Variants in UBXN4 observed in about 807,000 individuals in gnomAD.
UBXN4 encodes the protein UBX domain-containing protein 4.
Under a neutral mutation model 66.2 loss-of-function variants are expected in UBXN4, and 35 were observed. The observed-to-expected ratio is 0.53, with a 90% CI of 0.40 to 0.70. UBXN4 has a LOEUF of 0.70. Ranked by LOEUF, UBXN4 falls within the 30% of genes least tolerant of loss-of-function variation. The pLI is 0.00. For missense variants in UBXN4, 533 were observed against 599.8 expected, an observed-to-expected ratio of 0.89 and a Z score of 1.16; for synonymous variants, 203 against 204.5, an observed-to-expected ratio of 0.99 and a Z score of 0.06.
intron 1 of UBXN4, chr2:135,747,846 C>T (rs2077219063): frequency 5.6e-6 from 2 of 356,174 alleles, no homozygotes; most frequent in African/African-American, 4.3e-5. Flanking sequence ...GTCTCGAATT[C>T]CTGGCCTCAG....
Position 135,780,250 on chromosome 2 carries a change from T to C in UBXN4, c.1253T>C (p.Val418Ala). 1 of 1,614,194 alleles carries C rather than the reference T, an allele frequency of 6.2e-7. No individual in the cohort carries two copies. The highest frequency in any genetic ancestry group is 2.2e-5 in the East Asian group (1 of 44,884). The change falls in exon 12 of 13, where the codon GTG becomes GCG. Residue 418 changes from valine to alanine, a missense_variant. By Grantham distance (64) the Val-to-Ala change is moderately conservative. Around this residue, in one of 2 missense-constraint regions of UBXN4, gnomAD observed 529 missense variants for 580.1 expected, o/e 0.91. Coordinates refer to ENST00000272638, the MANE Select transcript of UBXN4 (RefSeq NM_014607.4). The stretch of plus-strand genomic sequence containing the variant: ...GACATTTGGACCTTGTTGGGAACAG[T>C]GCTTTATCCATTCCTTGCCATCTGG... ...SGDIWTLLGTVLYPFLAIWRL... is the reference protein window; with the variant it reads ...SGDIWTLLGTALYPFLAIWRL...
At chr2:135,754,782 C>CAT (rs1559539018) in intron 4 of UBXN4, among the ~76,000 whole-genome samples, 3 of 151,890 alleles carry the variant, frequency 2.0e-5, no homozygotes, top group Non-Finnish European at 4.4e-5. Context: ...GACTTCTTTA[C>CAT]CTTTCTTTAT....
At position 135,778,990 on chromosome 2, in the gene UBXN4, T is replaced by A; in HGVS notation, c.1096T>A (p.Phe366Ile). 1 of 1,613,456 alleles carries A rather than the reference T, an allele frequency of 6.2e-7. No homozygotes were observed. Among genetic ancestry groups the A allele is most frequent in the African/African-American group, 1.3e-5 (1 of 75,038 alleles). The change falls in exon 11 of 13, where the codon TTT (phenylalanine) becomes ATT (isoleucine). Residue 366 changes from phenylalanine to isoleucine, a missense_variant. Physicochemically the swap from Phe to Ile is conservative, Grantham distance 21 (BLOSUM62 0). Transcript: ENST00000272638. ...CGGTAATTTTTCGTTAGCAACCATG[T>A]TTCCCAGGAGGGAATTTACCAAAGA... Reference protein sequence around the residue: ...TYGNFSLATMFPRREFTKEDY... With the variant: ...TYGNFSLATMIPRREFTKEDY...
chr2:135,746,629 A>G (rs2077208602), intron 1 of UBXN4, among the ~76,000 whole-genome samples: 1 of 152,238 alleles, frequency 6.6e-6, no homozygotes, highest in Non-Finnish European at 1.5e-5. Flanking sequence ...GTTGGAAGTT[A>G]ACCATGTAGT....
At chr2:135,777,414 C>T (rs1313609697) in intron 10 of UBXN4, among the ~76,000 whole-genome samples, 2 of 152,128 alleles carry the variant, frequency 1.3e-5, no homozygotes, top group African/African-American at 4.8e-5. Flanking sequence ...ACAATGTAAA[C>T]GTTTATTTTA....
At chr2:135,749,404 C>G (rs1324135693) in intron 2 of UBXN4, among the ~76,000 whole-genome samples, 4 of 152,150 alleles carry the variant, frequency 2.6e-5, no homozygotes, top group African/African-American at 4.8e-5. Flanking sequence ...TTCCTCCTCC[C>G]CATCTTTTAA....
chr2:135,767,937 C>T (rs2077357884), intron 6 of UBXN4, among the ~76,000 whole-genome samples: 2 of 152,000 alleles, frequency 1.3e-5, no homozygotes, highest in Admixed American at 6.6e-5. Flanking sequence ...GCACAAATTG[C>T]CCCAAATTTG....
At chr2:135,780,077 A>T in intron 11 of UBXN4, 106 bp from the exon 12 acceptor site, 1 of 1,063,644 alleles carries the variant, frequency 9.4e-7, no homozygotes. Context: ...AAGTAAACTA[A>T]AATTGGTAGG....
chr2:135,780,103 TA>T, intron 11 of UBXN4, 79 bp from the exon 12 acceptor site: 2 of 1,412,166 alleles, frequency 1.4e-6, no homozygotes, highest in Non-Finnish European at 2.0e-6. Context: ...CTTTTCCAGA[TA>T]AAAGTTTCAT....
At chr2:135,744,021 T>G (rs2077192980) in intron 1 of UBXN4, among the ~76,000 whole-genome samples, 1 of 152,166 alleles carries the variant, frequency 6.6e-6, no homozygotes, top group Non-Finnish European at 1.5e-5. Flanking sequence ...CCAGCTAGCT[T>G]TTTTAGAGCT....
Position 135,780,183 on chromosome 2 carries a change from G to A in UBXN4, c.1186G>A (p.Ala396Thr). Residue 396 changes from alanine to threonine, a missense_variant and splice_region_variant, in exon 12 of 13, where the codon GCA (alanine) becomes ACA (threonine). Physicochemically the swap from Ala to Thr is moderately conservative, Grantham distance 58. This residue lies in a region of UBXN4 where 529 missense variants were observed against 580.1 expected (regional missense o/e 0.91). Coordinates refer to ENST00000272638, the MANE Select transcript of UBXN4 (RefSeq NM_014607.4). ...APSASVVLLP[A>T]GRPTASIVHS... ...TCTAGGTTTGTTTATTAATTTCTAGGCAGGAAGACCAACTGCATCCATTGT... is the reference window on the plus strand; with the variant it reads ...TCTAGGTTTGTTTATTAATTTCTAGACAGGAAGACCAACTGCATCCATTGT... The A allele has an allele frequency of 6.2e-7, 1 of 1,613,814 alleles. No homozygotes were observed. The highest frequency in any genetic ancestry group is 1.1e-5 in the South Asian group (1 of 91,074).
intron 10 of UBXN4, among the ~76,000 whole-genome samples, chr2:135,777,927 C>T (rs1457714954): frequency 6.6e-6 from 1 of 151,592 alleles, no homozygotes; most frequent in African/African-American, 2.4e-5. Context: ...CCTGTAATCC[C>T]AGCACTTTGG....
rs373447948 is a variant in UBXN4 at position 135,741,879 on chromosome 2, C to T, written c.-51C>T. ...CGAAGACGGAGGGCGGAGCCGGCTT[C>T]GGGACTGCGGAGACTACACACCGAG... is the stretch of plus-strand genomic sequence containing the variant. On this transcript the variant is annotated 5_prime_UTR_variant, in exon 1 of 13. Coordinates refer to ENST00000272638, the MANE Select transcript of UBXN4 (RefSeq NM_014607.4). The T allele has an allele frequency of 1.2e-3, 1,942 of 1,566,988 alleles. 8 individuals are homozygous for T. The highest frequency in any genetic ancestry group is 3.5e-3 in the South Asian group (302 of 86,438).
rs544812714 is a variant in UBXN4, at chr2:135,783,021, G to T, written c.*134G>T. ...AATGTCTCTTTATTCCTGCTTAGTG[G>T]GTGTGGGTTGAAGGTGTTTAACTCA... On this transcript the variant is annotated 3_prime_UTR_variant, in exon 13 of 13. Coordinates refer to ENST00000272638, the MANE Select transcript of UBXN4 (RefSeq NM_014607.4). 6 of 938,092 alleles carry T rather than the reference G, an allele frequency of 6.4e-6. No homozygotes were observed. The highest frequency in any genetic ancestry group is 2.8e-5 in the Admixed American group (1 of 35,832). The allele number at this position is 938,092 out of a possible 1,614,324, so 58.1% of individuals were successfully genotyped here.
Position 135,770,671 on chromosome 2 carries a change from A to G in UBXN4, c.758A>G (p.Glu253Gly). The change falls in exon 8 of 13, where the codon GAA becomes GGA. Residue 253 changes from glutamate (E) to glycine (G), a missense_variant. Transcript: ENST00000272638. ...EEELTKRMLE[E>G]RNREKAEDRA... ...GAATTAACAAAAAGAATGCTGGAGGAAAGAAACAGAGAGAAAGCAGAAGAT... is the reference window on the plus strand; with the variant it reads ...GAATTAACAAAAAGAATGCTGGAGGGAAGAAACAGAGAGAAAGCAGAAGAT... The G allele has an allele frequency of 1.3e-6, 2 of 1,580,844 alleles. No individual in the cohort carries two copies. The highest frequency in any genetic ancestry group is 1.7e-6 in the Non-Finnish European group (2 of 1,170,816).
rs143506298 is a variant in UBXN4 at position 135,782,441 on chromosome 2, G to C, written c.1389-308G>C. Among the ~76,000 whole-genome samples, 580 of 152,268 alleles carry C rather than the reference G, an allele frequency of 3.8e-3. 4 individuals carry two copies. Among genetic ancestry groups the C allele is most frequent in the African/African-American group, 0.013 (545 of 41,550 alleles). On this transcript the variant is annotated intron_variant, in intron 12 of 12. Coordinates refer to ENST00000272638, the MANE Select transcript of UBXN4 (RefSeq NM_014607.4). ...ATGTCGGCTTGCATAAATAACAAAG[G>C]AAAGATTAGTTGGCAAATGGTCACA...
At position 135,776,194 on chromosome 2, in the gene UBXN4, T is replaced by C. The variant is rs1007632924; in HGVS notation, c.951-55T>C. On this transcript the variant is annotated intron_variant, in intron 9 of 12. Coordinates refer to ENST00000272638, the MANE Select transcript of UBXN4 (RefSeq NM_014607.4). The stretch of plus-strand genomic sequence containing the variant: ...TTCCATTTTCTCTAACTTAATGATA[T>C]TGTTAGAGAATATATAGAGGTGAAG... 3.6e-6 allele frequency: 5 copies of C among 1,381,086 alleles called. No homozygotes were observed. The African/African-American group carries it at 7.2e-5, about 20-fold the overall frequency. The allele number at this position is 1,381,086 out of a possible 1,614,324, so 85.6% of individuals were successfully genotyped here.
intron 10 of UBXN4, among the ~76,000 whole-genome samples, chr2:135,778,602 C>CATT (rs1158676226): frequency 1.3e-5 from 2 of 152,170 alleles, no homozygotes; most frequent in African/African-American, 4.8e-5. Context: ...GTTCATGAGA[C>CATT]ATTAAGTTTG....
chr2:135,755,521 A>G lies in UBXN4; in HGVS notation c.338A>G (p.His113Arg). ...VTRIHKVRQM[H>R]LLKSETSVAN... Reference sequence around the variant, plus strand: ...TCCAATTTATTTTCTGCCTAGATGCATTTGCTAAAAAGTGAAACATCAGTA... The same window carrying G: ...TCCAATTTATTTTCTGCCTAGATGCGTTTGCTAAAAAGTGAAACATCAGTA... Residue 113 changes from histidine to arginine, a missense_variant, in exon 5 of 13, where the codon CAT (histidine) becomes CGT (arginine). Transcript: ENST00000272638. 1 of 1,579,998 alleles carries G rather than the reference A, an allele frequency of 6.3e-7. No homozygotes were observed. The highest frequency in any genetic ancestry group is 8.6e-7 in the Non-Finnish European group (1 of 1,162,432).
Sources: gnomAD v4.1 joint callset for allele counts (sites outside exome capture counted in the v4.1 genomes callset) on GRCh38, gnomAD v4.1.1 for gene constraint, gnomAD v4.1.1 regional missense constraint, MANE v1.5 for transcripts, NCBI Gene and HGNC (gene_info 2026-07-23, HGNC 2026-07-21) for gene names.